OSBPL1A: variants seen among roughly 807,000 people sequenced by gnomAD.
OSBPL1A encodes oxysterol-binding protein-related protein 1.
A neutral mutation model predicts 137.1 loss-of-function variants in OSBPL1A; 80 were observed. The observed-to-expected ratio is 0.58, with a 90% confidence interval of 0.49 to 0.70. The LOEUF is 0.70. OSBPL1A is among the 30% of genes least tolerant of loss of function. OSBPL1A has a pLI of 0.00. For synonymous variants in OSBPL1A, 365 were observed against 389.7 expected, an observed-to-expected ratio of 0.94 and a Z score of 0.75; for missense variants, 970 against 1,129.4, an observed-to-expected ratio of 0.86 and a Z score of 2.02.
intron 7 of OSBPL1A, among the ~76,000 whole-genome samples, chr18:24,328,971 T>C (rs971890176): frequency 6.6e-6 from 1 of 152,200 alleles, no homozygotes; most frequent in Non-Finnish European, 1.5e-5. Flanking sequence ...TAAAATTACA[T>C]ATGTGACTCC....
rs2089714327 is a variant in OSBPL1A, at chr18:24,271,391, AC to A, written c.1281+9450del. The A allele has an allele frequency of 4.8e-6, 1 of 207,176 alleles. No homozygotes were observed. Among genetic ancestry groups the A allele is most frequent in the African/African-American group, 2.4e-5 (1 of 42,342 alleles). 12.8% of individuals were successfully genotyped at this position (207,176 alleles called of 1,614,324 possible). A position where few individuals can be genotyped will look rare whatever the true frequency, so the allele number is the denominator to read the frequency against. On this transcript the variant is annotated intron_variant, in intron 15 of 27. Transcript: ENST00000319481. The surrounding 1 kb of genome is among the most constrained non-coding windows in gnomAD (Gnocchi z 4.0). Reference sequence around the variant, plus strand: ...TTCCCCAGGGGCTCTTCCTGCAGGAACCCCACGGCAGGGAGACCCGCACTGG... The same window carrying A: ...TTCCCCAGGGGCTCTTCCTGCAGGAACCCACGGCAGGGAGACCCGCACTGG...
intron 7 of OSBPL1A, among the ~76,000 whole-genome samples, chr18:24,331,687 C>T (rs867079519): frequency 5.3e-5 from 8 of 150,752 alleles, no homozygotes; most frequent in Non-Finnish European, 4.4e-5. Context: ...TGAGCCACCG[C>T]GCCCGGCGGC....
chr18:24,206,054 C>T (rs1376969984), intron 17 of OSBPL1A, among the ~76,000 whole-genome samples: 1 of 152,146 alleles, frequency 6.6e-6, no homozygotes, highest in East Asian at 1.9e-4. Flanking sequence ...CCGTGCCCGG[C>T]TAATTTTTGT....
intron 15 of OSBPL1A, among the ~76,000 whole-genome samples, chr18:24,248,431 TG>T (rs900425261): frequency 1.3e-5 from 2 of 152,200 alleles, no homozygotes; most frequent in African/African-American, 2.4e-5. Flanking sequence ...CCACTAAAAA[TG>T]CCCCTTTCTT....
At chr18:24,165,381 T>C (rs2086123504) in intron 26 of OSBPL1A, among the ~76,000 whole-genome samples, 1 of 152,214 alleles carries the variant, frequency 6.6e-6, no homozygotes, top group Non-Finnish European at 1.5e-5. Context: ...CAGCCTATGC[T>C]CTTAACAACC....
At chr18:24,341,237 C>T (rs1206101625) in intron 5 of OSBPL1A, among the ~76,000 whole-genome samples, 3 of 152,178 alleles carry the variant, frequency 2.0e-5, no homozygotes, top group African/African-American at 7.2e-5. Flanking sequence ...GAACTCCTAA[C>T]CTCAAGTGAT....
At chr18:24,345,273 G>A (rs1190765536) in intron 4 of OSBPL1A, among the ~76,000 whole-genome samples, 1 of 152,138 alleles carries the variant, frequency 6.6e-6, no homozygotes, top group African/African-American at 2.4e-5. Flanking sequence ...GTGTAGCTAT[G>A]GAAAAATAAG....
intron 15 of OSBPL1A, among the ~76,000 whole-genome samples, chr18:24,277,258 C>T (rs897697751): frequency 6.7e-6 from 1 of 150,066 alleles, no homozygotes. Context: ...ACCTAGAAAA[C>T]ATAAAATTAT....
At chr18:24,342,040 G>T (rs533189174) in intron 4 of OSBPL1A, among the ~76,000 whole-genome samples, 2 of 152,248 alleles carry the variant, frequency 1.3e-5, no homozygotes, top group South Asian at 4.2e-4. Flanking sequence ...TATAATTTCT[G>T]CCCAACAGAC....
chr18:24,204,816 T>C (rs1278679231), intron 17 of OSBPL1A, among the ~76,000 whole-genome samples: 1 of 152,064 alleles, frequency 6.6e-6, no homozygotes, highest in Admixed American at 6.6e-5. Context: ...TACTCGCAAT[T>C]CCAGGAATCT....
chr18:24,258,347 T>C (rs1033223819), intron 15 of OSBPL1A, among the ~76,000 whole-genome samples: 14 of 152,336 alleles, frequency 9.2e-5, no homozygotes, highest in African/African-American at 2.6e-4. Flanking sequence ...GTTGTCATTA[T>C]GTTAAATGAA....
At chr18:24,264,068 T>C (rs1411493199) in intron 15 of OSBPL1A, among the ~76,000 whole-genome samples, 1 of 152,236 alleles carries the variant, frequency 6.6e-6, no homozygotes, top group Admixed American at 6.5e-5. Context: ...TGTTGGAATC[T>C]AGTGATTGCC....
Position 24,293,125 on chromosome 18 carries a change from A to AAAAAAAAAAAAAAG in OSBPL1A, c.1174+10511_1174+10512insCTTTTTTTTTTTTT, listed in dbSNP as rs200624581. Among the ~76,000 whole-genome samples, 698 of 81,794 alleles carry AAAAAAAAAAAAAAG rather than the reference A, an allele frequency of 8.5e-3. 20 individuals are homozygous for AAAAAAAAAAAAAAG. The highest frequency in any genetic ancestry group is 0.014 in the Non-Finnish European group (500 of 34,854). The allele number at this position is 81,794 out of a possible 152,430, so 53.7% of individuals were successfully genotyped here. A position where few individuals can be genotyped will look rare whatever the true frequency, so the allele number is the denominator to read the frequency against. Reference sequence around the variant, plus strand: ...GTCTCAAAAAAAAAAAAAAAAAAAAAAAAGAAAAGAAAAGAAAAAATTAAA... The same window carrying AAAAAAAAAAAAAAG: ...GTCTCAAAAAAAAAAAAAAAAAAAAAAAAAAAAAAAAAAGAAAGAAAAGAAAAGAAAAAATTAAA... On this transcript the variant is annotated intron_variant, in intron 14 of 27. Coordinates refer to ENST00000319481, the MANE Select transcript of OSBPL1A (RefSeq NM_080597.4).
At chr18:24,334,618 T>C (rs1269858692) in intron 5 of OSBPL1A, among the ~76,000 whole-genome samples, 1 of 152,202 alleles carries the variant, frequency 6.6e-6, no homozygotes, top group Non-Finnish European at 1.5e-5. Flanking sequence ...CACTATTACA[T>C]ATTTGCCTTG....
At chr18:24,172,869 C>A (rs1393849999) in intron 21 of OSBPL1A, among the ~76,000 whole-genome samples, 1 of 152,106 alleles carries the variant, frequency 6.6e-6, no homozygotes, top group Non-Finnish European at 1.5e-5. Context: ...AAAAACTCAT[C>A]TATGTGAATA....
At chr18:24,280,814 T>C in intron 15 of OSBPL1A, 28 bp downstream of exon 15, 5 of 1,470,658 alleles carry the variant, frequency 3.4e-6, no homozygotes, top group Non-Finnish European at 4.6e-6. Context: ...AAACAATTAT[T>C]TTACAAATTC....
At chr18:24,349,309 GAAA>G (rs995473889) in intron 4 of OSBPL1A, among the ~76,000 whole-genome samples, 1 of 150,420 alleles carries the variant, frequency 6.6e-6, no homozygotes, top group South Asian at 2.1e-4. Flanking sequence ...AGACAGACAA[GAAA>G]AAAAAAGTTT....
At chr18:24,377,366 T>C in intron 2 of OSBPL1A, 47 bp downstream of exon 2, 1 of 1,557,704 alleles carries the variant, frequency 6.4e-7, no homozygotes, top group Non-Finnish European at 8.6e-7. Context: ...ATGCTAAGAG[T>C]AGTGCAGACT....
In OSBPL1A at chr18:24,375,045, T is replaced by C. The variant is rs371233869; in HGVS notation, c.121+2368A>G. ...CTAAAAAAAGTATGGCTAGATGCAA[T>C]GGATCACACCTGTAATCCCAACACT... On this transcript the variant is annotated intron_variant, in intron 2 of 27. Transcript: ENST00000319481. Among the ~76,000 whole-genome samples, 25 of 152,194 alleles carry C rather than the reference T, an allele frequency of 1.6e-4. No individual in the cohort carries two copies. In the East Asian group the frequency reaches 2.9e-3, roughly 18 times the overall value.
Sources: gnomAD v4.1 joint callset for allele counts (sites outside exome capture counted in the v4.1 genomes callset) on GRCh38, gnomAD v4.1.1 for gene constraint, Gnocchi (gnomAD v3.1) non-coding constraint, MANE v1.5 for transcripts, NCBI Gene and HGNC (gene_info 2026-07-23, HGNC 2026-07-21) for gene names.